WWC2: variants seen among roughly 807,000 people sequenced by gnomAD.
The protein encoded by WWC2 is WW and C2 domain containing 2.
WWC2 carries 101 observed loss-of-function variants against 138.5 expected under a neutral mutation model. That is an observed-to-expected ratio of 0.73 (90% CI 0.62 to 0.86). The LOEUF is 0.86. Among genes scored for constraint, WWC2 ranks in the 40% least tolerant of loss-of-function variants. The pLI, the probability that WWC2 is intolerant of heterozygous loss-of-function variation, is 0.00. For missense variants in WWC2, 1,420 were observed against 1,419.4 expected, an observed-to-expected ratio of 1.00 and a Z score of -0.01; for synonymous variants, 558 against 538.4, an observed-to-expected ratio of 1.04 and a Z score of -0.50.
At chr4:183,124,484 T>C (rs1192022823) in intron 1 of WWC2, among the ~76,000 whole-genome samples, 3 of 151,898 alleles carry the variant, frequency 2.0e-5, no homozygotes, top group South Asian at 2.1e-4. Flanking sequence ...TTCGGTACTT[T>C]ATGCTTTTGT....
chr4:183,119,951 A>G (rs112048531), intron 1 of WWC2, among the ~76,000 whole-genome samples: 5 of 152,304 alleles, frequency 3.3e-5, no homozygotes, highest in African/African-American at 9.6e-5. Flanking sequence ...TAAACAGTTC[A>G]TTCACAGAAC....
chr4:183,273,046 C>T (rs1737743515), intron 16 of WWC2, among the ~76,000 whole-genome samples: 2 of 152,092 alleles, frequency 1.3e-5, no homozygotes, highest in Admixed American at 1.3e-4. Flanking sequence ...TAGGTGTTTG[C>T]ACCATTTTGC....
rs1201492320 is a variant in WWC2, at chr4:183,315,695, TAAG to T, written c.3546_3548del (p.Ser1183del). 8 of 1,613,540 alleles carry T rather than the reference TAAG, an allele frequency of 5.0e-6. No homozygotes were observed. The South Asian group carries it at 7.7e-5, about 16-fold the overall frequency. ...ATTGCCTACTTCACCAGAGCAAAGA[TAAG>T]CATCCCATCCCTGCCAGCTGATGAT... On this transcript the variant is annotated inframe_deletion, in exon 23 of 23. Transcript: ENST00000403733.
chr4:183,115,506 C>T (rs943975673), intron 1 of WWC2, among the ~76,000 whole-genome samples: 3 of 152,222 alleles, frequency 2.0e-5, no homozygotes, highest in African/African-American at 7.2e-5. Flanking sequence ...TTTAAGCATT[C>T]CCTTTCCTCT....
Position 183,265,680 on chromosome 4 carries a change from C to A in WWC2, c.2040-8C>A. On this transcript the variant is annotated splice_polypyrimidine_tract_variant and splice_region_variant and intron_variant, in intron 12 of 22. Coordinates refer to ENST00000403733, the MANE Select transcript of WWC2 (RefSeq NM_024949.6). ...AATTAACTGTTCATCTACTCCCTGT[C>A]CATATAGACCTAGTGAAATGGAAGA... is the stretch of plus-strand genomic sequence containing the variant. 6.2e-7 allele frequency: 1 copy of A among 1,606,740 alleles called. No homozygotes were observed. The highest frequency in any genetic ancestry group is 8.5e-7 in the Non-Finnish European group (1 of 1,176,400).
intron 4 of WWC2, among the ~76,000 whole-genome samples, chr4:183,239,312 T>A (rs1736540135): frequency 6.6e-6 from 1 of 151,240 alleles, no homozygotes; most frequent in Non-Finnish European, 1.5e-5. Flanking sequence ...AGACTCTGTC[T>A]CAAAAAAAAA....
At chr4:183,243,302 C>T (rs995697401) in intron 5 of WWC2, among the ~76,000 whole-genome samples, 3 of 152,190 alleles carry the variant, frequency 2.0e-5, no homozygotes, top group African/African-American at 7.2e-5. Context: ...CACTTTGACA[C>T]AATTTCAGAT....
rs1378038924 is a variant in WWC2 at position 183,261,265 on chromosome 4, T to C, written c.1642T>C (p.Ser548Pro). Residue 548 changes from serine (S) to proline (P), a missense_variant, in exon 11 of 23, where the codon TCG (serine) becomes CCG (proline). Physicochemically the swap from Ser to Pro is moderately conservative, Grantham distance 74. Transcript: ENST00000403733. ...CCCGAAGTCTGTGGCCTCCCTGTCC[T>C]CGAGGTCCTCCCTTTCCTCCTTGTC... ...EAPKSVASLS[S>P]RSSLSSLSPP... The C allele has an allele frequency of 6.2e-7, 1 of 1,613,414 alleles. No homozygotes were observed. The highest frequency in any genetic ancestry group is 1.3e-5 in the African/African-American group (1 of 75,048).
At chr4:183,222,749 G>A (rs1267579899) in intron 4 of WWC2, among the ~76,000 whole-genome samples, 3 of 152,108 alleles carry the variant, frequency 2.0e-5, no homozygotes, top group African/African-American at 7.2e-5. Flanking sequence ...CTTGAGGCCA[G>A]GGGTTTGAGA....
intron 4 of WWC2, among the ~76,000 whole-genome samples, chr4:183,219,258 C>A (rs1345353651): frequency 6.6e-6 from 1 of 152,068 alleles, no homozygotes; most frequent in Admixed American, 6.6e-5. Flanking sequence ...AGGAAATGAC[C>A]AGTGATAATG....
intron 1 of WWC2, among the ~76,000 whole-genome samples, chr4:183,171,864 T>C (rs1734295586): frequency 6.6e-6 from 1 of 152,206 alleles, no homozygotes; most frequent in Non-Finnish European, 1.5e-5. Context: ...GGATTCAGCT[T>C]TCTTACTGTG....
intron 2 of WWC2, among the ~76,000 whole-genome samples, chr4:183,195,607 C>T (rs914816716): frequency 6.6e-6 from 1 of 152,140 alleles, no homozygotes; most frequent in Non-Finnish European, 1.5e-5. Flanking sequence ...ATTCTTTTGT[C>T]TTAATGTATA....
At chr4:183,151,335 T>C (rs1417137712) in intron 1 of WWC2, among the ~76,000 whole-genome samples, 1 of 152,268 alleles carries the variant, frequency 6.6e-6, no homozygotes, top group Non-Finnish European at 1.5e-5. Flanking sequence ...CATAAATGTC[T>C]TCTTTTGAGA....
At chr4:183,237,772 A>G (rs563255658) in intron 4 of WWC2, among the ~76,000 whole-genome samples, 3 of 152,314 alleles carry the variant, frequency 2.0e-5, no homozygotes, top group South Asian at 4.1e-4. Flanking sequence ...AGCTATGCAA[A>G]CATGAGTATT....
In WWC2 at chr4:183,260,948, G is replaced by A. The variant is rs1580120815; in HGVS notation, c.1325G>A (p.Ser442Asn). The change falls in exon 11 of 23, where the codon AGC becomes AAC. Residue 442 changes from serine (S) to asparagine (N), a missense_variant. Physicochemically the swap from Ser to Asn is conservative, Grantham distance 46. Coordinates refer to ENST00000403733, the MANE Select transcript of WWC2 (RefSeq NM_024949.6). ...ACCCTGTCCATGTCATCTGGGAGCA[G>A]CCTGGGTTCCCTGGCATCGAGTCGG... ...ASTLSMSSGS[S>N]LGSLASSRGS... 3 of 1,613,920 alleles carry A rather than the reference G, an allele frequency of 1.9e-6. No individual in the cohort carries two copies. Among genetic ancestry groups the A allele is most frequent in the Non-Finnish European group, 2.5e-6 (3 of 1,179,876 alleles).
chr4:183,246,883 G>A (rs1317255114), intron 6 of WWC2, among the ~76,000 whole-genome samples: 1 of 151,716 alleles, frequency 6.6e-6, no homozygotes, highest in Non-Finnish European at 1.5e-5. Flanking sequence ...AAAAAAAAAA[G>A]TTAATAGAAC....
intron 1 of WWC2, among the ~76,000 whole-genome samples, chr4:183,176,630 C>G (rs1734475848): frequency 2.6e-5 from 4 of 152,120 alleles, no homozygotes; most frequent in Admixed American, 2.6e-4. Flanking sequence ...ACCATATTGG[C>G]CAGGCTGGTC....
rs538336229 is a variant in WWC2, at chr4:183,248,760, G to A, written c.779G>A (p.Gly260Asp). 106 of 1,603,578 alleles carry A rather than the reference G, an allele frequency of 6.6e-5. No individual in the cohort carries two copies. The highest frequency in any genetic ancestry group is 8.9e-5 in the Non-Finnish European group (104 of 1,174,760). The change falls in exon 7 of 23, where the codon GGC becomes GAC. Residue 260 changes from glycine to aspartate, a missense_variant. Coordinates refer to ENST00000403733, the MANE Select transcript of WWC2 (RefSeq NM_024949.6). ...QERFHLDQNI[G>D]RSEPDLRCSP... ...CGGTTTCATTTGGATCAGAACATTG[G>A]CAGATCTGAGCCAGATTTGAGATGT...
chr4:183,221,245 TAAG>T (rs1735927550), intron 4 of WWC2, among the ~76,000 whole-genome samples: 1 of 152,178 alleles, frequency 6.6e-6, no homozygotes, highest in African/African-American at 2.4e-5. Context: ...TCAAAGGACA[TAAG>T]AATCTTAAAG....
Sources: gnomAD v4.1 joint callset for allele counts (sites outside exome capture counted in the v4.1 genomes callset) on GRCh38, gnomAD v4.1.1 for gene constraint, MANE v1.5 for transcripts, NCBI Gene and HGNC (gene_info 2026-07-23, HGNC 2026-07-21) for gene names.